The following PCDHGB4 variants were observed in gnomAD, a reference collection of about 807,000 sequenced individuals.
The protein encoded by PCDHGB4 is protocadherin gamma-B4.
Under a neutral mutation model 60.5 loss-of-function variants are expected in PCDHGB4, and 38 were observed. That is an observed-to-expected ratio of 0.63 (90% CI 0.48 to 0.82). The LOEUF is 0.82. PCDHGB4 is among the 40% of genes least tolerant of loss of function. The pLI is 0.00. For synonymous variants in PCDHGB4, 456 were observed against 509.7 expected, an observed-to-expected ratio of 0.89 and a Z score of 1.42; for missense variants, 1,109 against 1,209.6, an observed-to-expected ratio of 0.92 and a Z score of 1.23.
rs374229757 is a variant in PCDHGB4, at chr5:141,491,437, C to T, written c.2398-3370C>T. 4 of 1,613,978 alleles carry T rather than the reference C, an allele frequency of 2.5e-6. No homozygotes were observed. Among genetic ancestry groups the T allele is most frequent in the Admixed American group, 3.3e-5 (2 of 60,004 alleles). ...CGGGGGTGGAGGGCAGTGCTGCAGG[C>T]GCCAGGACTCACCCTCCCCGGACTT... On this transcript the variant is annotated intron_variant, in intron 1 of 3. Coordinates refer to ENST00000519479, the MANE Select transcript of PCDHGB4 (RefSeq NM_003736.4). This position sits in a 1 kb window ranked among gnomAD's most constrained non-coding sequence, Gnocchi z 6.9.
chr5:141,500,124 A>G (rs1042231430), intron 2 of PCDHGB4, among the ~76,000 whole-genome samples: 2 of 151,656 alleles, frequency 1.3e-5, no homozygotes, highest in African/African-American at 2.4e-5. Flanking sequence ...GCCTTTTCAT[A>G]TATATCTTTC....
intron 3 of PCDHGB4, among the ~76,000 whole-genome samples, chr5:141,509,801 T>C (rs556629445): frequency 2.6e-5 from 4 of 152,140 alleles, no homozygotes; most frequent in South Asian, 2.1e-4. Flanking sequence ...CTCAGCTTCA[T>C]AGAGCCGAGC....
intron 1 of PCDHGB4, among the ~76,000 whole-genome samples, chr5:141,454,120 T>C (rs956675583): frequency 6.6e-5 from 10 of 152,228 alleles, no homozygotes; most frequent in African/African-American, 2.4e-4. Context: ...ATAGAAGAAA[T>C]AGCTGACCAT....
At chr5:141,425,209 A>G (rs2096861765) in intron 1 of PCDHGB4, among the ~76,000 whole-genome samples, 1 of 152,180 alleles carries the variant, frequency 6.6e-6, no homozygotes, top group African/African-American at 2.4e-5. Context: ...GATGTAAGGC[A>G]TTGTACTTTG....
intron 1 of PCDHGB4, chr5:141,394,841 C>A: frequency 6.2e-7 from 1 of 1,613,852 alleles, no homozygotes; most frequent in Non-Finnish European, 8.5e-7. Flanking sequence ...CCGAGTTGGG[C>A]AGTCTGAAGC....
chr5:141,401,725 T>C lies in PCDHGB4; in HGVS notation c.2397+11444T>C, dbSNP rs2094187242. Among the ~76,000 whole-genome samples the C allele has an allele frequency of 2.0e-5, 3 of 152,322 alleles. No individual in the cohort carries two copies. In the South Asian group the frequency reaches 6.2e-4, roughly 32 times the overall value. ...ATTCCATTTTTAAGACAAAAACTAC[T>C]AGTCTTGTGTACATACAAAGCTCCC... On this transcript the variant is annotated intron_variant, in intron 1 of 3. Coordinates refer to ENST00000519479, the MANE Select transcript of PCDHGB4 (RefSeq NM_003736.4).
Position 141,485,943 on chromosome 5 carries a change from C to T in PCDHGB4, c.2398-8864C>T, listed in dbSNP as rs750871245. On this transcript the variant is annotated intron_variant, in intron 1 of 3. Transcript: ENST00000519479. This position sits in a 1 kb window ranked among gnomAD's most constrained non-coding sequence, Gnocchi z 5.7. Reference sequence around the variant, plus strand: ...ATTAGTGTGTTGGAGAGCGCACCAGCGGGCATGGTGCTCATCCAGCTCAAT... The same window carrying T: ...ATTAGTGTGTTGGAGAGCGCACCAGTGGGCATGGTGCTCATCCAGCTCAAT... The T allele has an allele frequency of 1.9e-6, 3 of 1,614,126 alleles. No homozygotes were observed. In the South Asian group the frequency reaches 3.3e-5, roughly 18 times the overall value.
chr5:141,413,737 A>AC, intron 1 of PCDHGB4: 1 of 1,613,410 alleles, frequency 6.2e-7, no homozygotes, highest in Non-Finnish European at 8.5e-7. Flanking sequence ...AAGAGTTCAG[A>AC]GCCGTGCCAA....
chr5:141,499,932 C>A (rs1169727162), intron 2 of PCDHGB4, among the ~76,000 whole-genome samples: 1 of 152,076 alleles, frequency 6.6e-6, no homozygotes, highest in Non-Finnish European at 1.5e-5. Context: ...AAGTGATCCA[C>A]CCTCCTCGGC....
chr5:141,408,043 A>G, intron 1 of PCDHGB4: 1 of 1,220,238 alleles, frequency 8.2e-7, no homozygotes, highest in Non-Finnish European at 1.1e-6. Context: ...ACCAGCTCCC[A>G]CACAGAGCCT....
chr5:141,451,597 C>A (rs2098719892), intron 1 of PCDHGB4, among the ~76,000 whole-genome samples: 1 of 152,076 alleles, frequency 6.6e-6, no homozygotes, highest in Admixed American at 6.6e-5. Context: ...AAGTGACATA[C>A]AAGGCTAGGC....
chr5:141,479,020 T>C (rs961123768), intron 1 of PCDHGB4, among the ~76,000 whole-genome samples: 1 of 152,236 alleles, frequency 6.6e-6, no homozygotes, highest in African/African-American at 2.4e-5. Flanking sequence ...ATAATTTTCC[T>C]TTGTTTATAC....
In PCDHGB4 at chr5:141,487,598, C is replaced by T. The variant is rs1450685717; in HGVS notation, c.2398-7209C>T. 6.2e-7 allele frequency: 1 copy of T among 1,614,210 alleles called. No homozygotes were observed. The highest frequency in any genetic ancestry group is 8.5e-7 in the Non-Finnish European group (1 of 1,180,046). ...TCGCCCAAGCTGCCCACCCTCTGAT[C>T]TTCTCTATGGGCTAGAGGTGAGACC... is the stretch of plus-strand genomic sequence containing the variant. On this transcript the variant is annotated intron_variant, in intron 1 of 3. Transcript: ENST00000519479. The surrounding 1 kb of genome is among the most constrained non-coding windows in gnomAD (Gnocchi z 5.0).
intron 1 of PCDHGB4, chr5:141,390,892 G>A (rs1476434709): frequency 2.6e-5 from 4 of 152,470 alleles, no homozygotes; most frequent in East Asian, 3.8e-4. Context: ...GTGTGTGAGA[G>A]AGATCCTTTT....
In PCDHGB4 at chr5:141,476,853, A is replaced by G; in HGVS notation, c.2398-17954A>G. ...AATGACAATGCGCCTGTCTTCAACCAGTCCTTGTACCGGGCGCGCGTCCTG... is the reference window on the plus strand; with the variant it reads ...AATGACAATGCGCCTGTCTTCAACCGGTCCTTGTACCGGGCGCGCGTCCTG... On this transcript the variant is annotated intron_variant, in intron 1 of 3. Coordinates refer to ENST00000519479, the MANE Select transcript of PCDHGB4 (RefSeq NM_003736.4). This position sits in a 1 kb window ranked among gnomAD's most constrained non-coding sequence, Gnocchi z 7.6. The G allele has an allele frequency of 6.2e-7, 1 of 1,613,870 alleles. No individual in the cohort carries two copies. Among genetic ancestry groups the G allele is most frequent in the Non-Finnish European group, 8.5e-7 (1 of 1,180,042 alleles).
chr5:141,465,313 T>C (rs113508011), intron 1 of PCDHGB4, among the ~76,000 whole-genome samples: 5 of 152,312 alleles, frequency 3.3e-5, no homozygotes, highest in Admixed American at 6.5e-5. Context: ...AATTTAGCCA[T>C]GTCAATGCAG....
intron 1 of PCDHGB4, among the ~76,000 whole-genome samples, chr5:141,482,866 G>A (rs768388750): frequency 2.7e-5 from 4 of 150,296 alleles, no homozygotes; most frequent in Non-Finnish European, 4.4e-5. Flanking sequence ...GAGGTCAGGA[G>A]TTTGAAACCA....
At chr5:141,435,052 T>C (rs922871138) in intron 1 of PCDHGB4, among the ~76,000 whole-genome samples, 1 of 152,174 alleles carries the variant, frequency 6.6e-6, no homozygotes, top group African/African-American at 2.4e-5. Context: ...CCATTGACCA[T>C]GCAGCAGTTT....
intron 1 of PCDHGB4, chr5:141,424,091 G>A: frequency 1.1e-6 from 1 of 879,778 alleles, no homozygotes; most frequent in Non-Finnish European, 1.4e-6. Context: ...ACCATTATTT[G>A]CTATTACTGC....
Sources: gnomAD v4.1 joint callset for allele counts (sites outside exome capture counted in the v4.1 genomes callset) on GRCh38, gnomAD v4.1.1 for gene constraint, Gnocchi (gnomAD v3.1) non-coding constraint, MANE v1.5 for transcripts, NCBI Gene and HGNC (gene_info 2026-07-23, HGNC 2026-07-21) for gene names.